Variants in FMN1 observed in about 807,000 individuals in gnomAD.
FMN1 encodes formin-1.
In FMN1, 110 loss-of-function variants were observed where a neutral mutation model predicts 132.4. The observed-to-expected ratio is 0.83, with a 90% confidence interval of 0.71 to 0.97. The LOEUF is 0.97. Ranked by LOEUF, FMN1 falls within the 50% of genes least tolerant of loss-of-function variation. The probability of loss-of-function intolerance (pLI) is 0.00; values close to 1 mark genes in which losing one functional copy is unlikely to be tolerated. For missense variants in FMN1, 1,792 were observed against 1,705.3 expected (o/e 1.05, Z -0.90); for synonymous variants, 722 against 651.7 (o/e 1.11, Z -1.64).
intron 16 of FMN1, among the ~76,000 whole-genome samples, chr15:32,858,072 C>T (rs538970362): frequency 2.4e-4 from 36 of 152,252 alleles, no homozygotes; most frequent in African/African-American, 8.4e-4. Context: ...GATATCATGC[C>T]ACCTGGGGTT....
intron 17 of FMN1, chr15:32,810,935 C>A (rs1237638727): frequency 2.2e-6 from 1 of 455,624 alleles, no homozygotes; most frequent in Admixed American, 2.4e-5. Flanking sequence ...AATATGGGAG[C>A]CGGGTGATGC....
At chr15:32,867,841 C>A (rs984381416) in intron 16 of FMN1, among the ~76,000 whole-genome samples, 1 of 152,158 alleles carries the variant, frequency 6.6e-6, no homozygotes, top group Non-Finnish European at 1.5e-5. Context: ...CCCTCTGTTA[C>A]AAAGTCATAG....
intron 19 of FMN1, among the ~76,000 whole-genome samples, chr15:32,786,992 C>T (rs756924590): frequency 1.3e-5 from 2 of 152,192 alleles, no homozygotes; most frequent in African/African-American, 2.4e-5. Flanking sequence ...TAAGTGAGAT[C>T]GTAGAGACCT....
At chr15:33,152,788 C>CAAAAAAA (rs367698101) in intron 4 of FMN1, among the ~76,000 whole-genome samples, 26 of 65,924 alleles carry the variant, frequency 3.9e-4, no homozygotes, top group South Asian at 1.0e-3. Context: ...TAGAGGATGC[C>CAAAAAAA]AAAAAAAAAA....
intron 4 of FMN1, among the ~76,000 whole-genome samples, chr15:33,148,643 A>G (rs1362226847): frequency 6.6e-6 from 1 of 152,078 alleles, no homozygotes; most frequent in Non-Finnish European, 1.5e-5. Context: ...GGTCCCCTCC[A>G]TTAATCTCCC....
intron 5 of FMN1, among the ~76,000 whole-genome samples, chr15:33,084,896 C>G (rs1429975685): frequency 6.6e-6 from 1 of 152,182 alleles, no homozygotes; most frequent in African/African-American, 2.4e-5. Flanking sequence ...TCATCACGTA[C>G]TAATGAGAGT....
chr15:33,068,401 A>G (rs908048557), intron 5 of FMN1, among the ~76,000 whole-genome samples: 1 of 152,306 alleles, frequency 6.6e-6, no homozygotes, highest in Admixed American at 6.5e-5. Flanking sequence ...AGCCTAAGGG[A>G]ATCAGAAGTA....
chr15:32,780,646 A>T (rs1468806020), intron 19 of FMN1, among the ~76,000 whole-genome samples: 1 of 152,014 alleles, frequency 6.6e-6, no homozygotes, highest in Non-Finnish European at 1.5e-5. Flanking sequence ...CTTGTGTGAG[A>T]TCCAAGAACC....
intron 16 of FMN1, among the ~76,000 whole-genome samples, chr15:32,880,376 G>C (rs2141433329): frequency 6.6e-6 from 1 of 152,058 alleles, no homozygotes; most frequent in Non-Finnish European, 1.5e-5. Context: ...AAAATCTCTT[G>C]TCCAAACGTT....
rs531223124 is a variant in FMN1 at position 33,105,505 on chromosome 15, A to G, written c.1868-16531T>C. Among the ~76,000 whole-genome samples, 225 of 152,264 alleles carry G rather than the reference A, an allele frequency of 1.5e-3. 2 individuals carry two copies. Among genetic ancestry groups the G allele is most frequent in the African/African-American group, 5.0e-3 (207 of 41,558 alleles). On this transcript the variant is annotated intron_variant, in intron 4 of 20. Coordinates refer to ENST00000616417, the MANE Select transcript of FMN1 (RefSeq NM_001277313.2). ...TCAGAAATAAACGGTTGTCTTCACC[A>G]AAGAATCCAGACCAGCTGAAATGCT...
Position 32,804,293 on chromosome 15 carries a change from T to A in FMN1, c.3968A>T (p.Asn1323Ile). 6.4e-7 allele frequency: 1 copy of A among 1,569,132 alleles called. No homozygotes were observed. The highest frequency in any genetic ancestry group is 1.4e-5 in the African/African-American group (1 of 74,064). The change falls in exon 18 of 21, where the codon AAT becomes ATT. Residue 1323 changes from asparagine (N) to isoleucine (I), a missense_variant. Around this residue, in one of 3 missense-constraint regions of FMN1, gnomAD observed 1,150 missense variants for 1,043.1 expected, o/e 1.10. Coordinates refer to ENST00000616417, the MANE Select transcript of FMN1 (RefSeq NM_001277313.2). ...EHKMEESHLE[N>I]AQKSFETTVR... The stretch of plus-strand genomic sequence containing the variant: ...CAGAGCTGCTTACCTTTTCTGTGCA[T>A]TCTCCAAGTGACTTTCTTCCATCTT...
intron 9 of FMN1, among the ~76,000 whole-genome samples, chr15:32,956,661 C>G (rs2061776194): frequency 6.6e-6 from 1 of 152,140 alleles, no homozygotes; most frequent in Non-Finnish European, 1.5e-5. Flanking sequence ...ATGATAATCC[C>G]TAACCCCATT....
At chr15:32,880,020 G>A (rs749066822) in intron 16 of FMN1, among the ~76,000 whole-genome samples, 69 of 151,532 alleles carry the variant, frequency 4.6e-4, no homozygotes, top group African/African-American at 1.4e-3. Context: ...ATTATTTGGT[G>A]CTTAGTAGTA....
chr15:32,938,513 A>G (rs2140427155), intron 9 of FMN1, among the ~76,000 whole-genome samples: 1 of 152,282 alleles, frequency 6.6e-6, no homozygotes, highest in Middle Eastern at 3.4e-3. Context: ...TGGGTGACAG[A>G]GCAAAGACTC....
intron 6 of FMN1, among the ~76,000 whole-genome samples, chr15:33,021,075 C>T (rs1265080491): frequency 1.3e-5 from 2 of 152,118 alleles, no homozygotes; most frequent in Admixed American, 1.3e-4. Flanking sequence ...TTTGACTTGC[C>T]TCCGGTACTC....
At position 32,982,713 on chromosome 15, in the gene FMN1, T is replaced by C. The variant is rs1012440982; in HGVS notation, c.2224-13236A>G. On this transcript the variant is annotated intron_variant, in intron 7 of 20. Coordinates refer to ENST00000616417, the MANE Select transcript of FMN1 (RefSeq NM_001277313.2). ...ACGAAAAGACTGACTCTCCCACTAC[T>C]AAGAAAAAATTCCTCCTGCCCAGTG... Among the ~76,000 whole-genome samples the C allele has an allele frequency of 2.0e-5, 3 of 152,224 alleles. No homozygotes were observed. The South Asian group carries it at 6.2e-4, about 32-fold the overall frequency.
intron 16 of FMN1, among the ~76,000 whole-genome samples, chr15:32,864,857 C>G (rs2059354904): frequency 6.6e-6 from 1 of 152,148 alleles, no homozygotes; most frequent in African/African-American, 2.4e-5. Context: ...AATCCAAATG[C>G]CCATCCATCG....
chr15:33,005,057 G>C (rs547690573), intron 7 of FMN1, among the ~76,000 whole-genome samples: 1 of 152,116 alleles, frequency 6.6e-6, no homozygotes, highest in African/African-American at 2.4e-5. Context: ...GGGTAGCGGG[G>C]AGGGATAGCA....
chr15:33,001,825 A>C (rs2034137686), intron 7 of FMN1, among the ~76,000 whole-genome samples: 1 of 151,796 alleles, frequency 6.6e-6, no homozygotes, highest in Non-Finnish European at 1.5e-5. Flanking sequence ...TAGTAGCAGG[A>C]GCAGCCTTGT....
Sources: gnomAD v4.1 joint callset for allele counts (sites outside exome capture counted in the v4.1 genomes callset) on GRCh38, gnomAD v4.1.1 for gene constraint, gnomAD v4.1.1 regional missense constraint, MANE v1.5 for transcripts, NCBI Gene and HGNC (gene_info 2026-07-23, HGNC 2026-07-21) for gene names.